LAD1: variants seen among roughly 807,000 people sequenced by gnomAD.
The protein encoded by LAD1 is ladinin-1.
LAD1 carries 53 observed loss-of-function variants against 54.2 expected under a neutral mutation model. The observed-to-expected ratio is 0.98, with a 90% CI of 0.78 to 1.23. The LOEUF is 1.23. LAD1 is among the 50% of genes most tolerant of loss of function. LAD1 has a pLI of 0.00. For synonymous variants in LAD1, 231 were observed against 257.7 expected (o/e 0.90, Z 0.99); for missense variants, 637 against 653.3 (o/e 0.98, Z 0.27).
intron 1 of LAD1, among the ~76,000 whole-genome samples, chr1:201,396,791 G>A (rs747630299): frequency 2.0e-5 from 3 of 152,144 alleles, no homozygotes; most frequent in Non-Finnish European, 4.4e-5. Context: ...GGTCACTGTG[G>A]GGGGTAACTC....
chr1:201,383,282 GCACCCTCCGCCCCTCAGGAGAAGCCCC>G lies in LAD1; in HGVS notation c.1248+8_1248+34del. 1.9e-6 allele frequency: 3 copies of G among 1,613,852 alleles called. No homozygotes were observed. Among genetic ancestry groups the G allele is most frequent in the Non-Finnish European group, 2.5e-6 (3 of 1,179,768 alleles). On this transcript the variant is annotated splice_region_variant and intron_variant, in intron 6 of 9. Coordinates refer to ENST00000391967, the MANE Select transcript of LAD1 (RefSeq NM_005558.4). ...AAGGGCCATGCCCACTACTCATCCT[GCACCCTCCGCCCCTCAGGAGAAGCCCC>G]CACCCACCCGTATGGCCGTGTGGTA...
In LAD1 at chr1:201,382,931, G is replaced by A. The variant is rs550255991; in HGVS notation, c.1386+143C>T. The A allele has an allele frequency of 3.9e-5, 44 of 1,124,340 alleles. No individual in the cohort carries two copies. In the African/African-American group the frequency reaches 4.2e-4, roughly 11 times the overall value. The allele number at this position is 1,124,340 out of a possible 1,614,324, so 69.6% of individuals were successfully genotyped here. On this transcript the variant is annotated intron_variant, in intron 7 of 9. Coordinates refer to ENST00000391967, the MANE Select transcript of LAD1 (RefSeq NM_005558.4). ...CAGCTAAGGAGATGGGCTCAGGAAC[G>A]TGAATGGGAACTCAAATGGAGGTTC...
intron 1 of LAD1, among the ~76,000 whole-genome samples, chr1:201,397,549 CCA>C (rs927778682): frequency 8.6e-5 from 13 of 151,912 alleles, no homozygotes; most frequent in Non-Finnish European, 1.3e-4. Context: ...AGCTGCCTCC[CCA>C]CACACACACA....
intron 1 of LAD1, among the ~76,000 whole-genome samples, chr1:201,391,700 G>A (rs1219999751): frequency 9.9e-5 from 15 of 152,168 alleles, no homozygotes; most frequent in African/African-American, 3.1e-4. Context: ...GAGATGAACC[G>A]GGCTGCATCT....
At chr1:201,385,873 C>T in intron 3 of LAD1, 68 bp from the exon 4 acceptor site, 1 of 1,092,938 alleles carries the variant, frequency 9.1e-7, no homozygotes, top group Non-Finnish European at 1.4e-6. Context: ...GCCATAAACC[C>T]CATGGCTCAC....
chr1:201,393,527 C>T (rs889984035), intron 1 of LAD1, among the ~76,000 whole-genome samples: 24 of 150,698 alleles, frequency 1.6e-4, no homozygotes, highest in Non-Finnish European at 8.9e-5. Flanking sequence ...AGGTGGATCA[C>T]CTGAGGTCAG....
At chr1:201,396,106 C>T (rs550173613) in intron 1 of LAD1, among the ~76,000 whole-genome samples, 2 of 152,316 alleles carry the variant, frequency 1.3e-5, no homozygotes, top group East Asian at 3.9e-4. Flanking sequence ...GACCTTCAAG[C>T]CCCAGAGCCA....
At chr1:201,385,631 T>C in intron 4 of LAD1, 70 bp downstream of exon 4, 1 of 1,135,022 alleles carries the variant, frequency 8.8e-7, no homozygotes, top group Middle Eastern at 2.1e-4. Flanking sequence ...GGCTCCTATG[T>C]TGTAATGGAT....
At chr1:201,382,431 A>C in intron 8 of LAD1, 105 bp from the exon 9 acceptor site, 1 of 973,730 alleles carries the variant, frequency 1.0e-6, no homozygotes, top group Non-Finnish European at 1.6e-6. Flanking sequence ...TTCTCTTCCC[A>C]AAAGAGAAAA....
In LAD1 at chr1:201,381,660, T is replaced by A. The variant is rs1187856191; in HGVS notation, c.*228A>T. 7.9e-5 allele frequency: 49 copies of A among 621,812 alleles called. 2 individuals carry two copies. Among genetic ancestry groups the A allele is most frequent in the South Asian group, 4.5e-4 (24 of 53,032 alleles). 38.5% of individuals were successfully genotyped at this position (621,812 alleles called of 1,614,324 possible). On this transcript the variant is annotated 3_prime_UTR_variant, in exon 10 of 10. Transcript: ENST00000391967. ...GCAGAGACTGGGTCCCAGCATCTGT[T>A]GTGCCTGCCGCAGGGTGAGAAAGTC... is the stretch of plus-strand genomic sequence containing the variant.
chr1:201,398,093 G>A (rs777103266), intron 1 of LAD1, among the ~76,000 whole-genome samples: 17 of 152,184 alleles, frequency 1.1e-4, no homozygotes, highest in Non-Finnish European at 2.1e-4. Context: ...TTGAGGGTCT[G>A]GGGAGGTGGC....
intron 1 of LAD1, among the ~76,000 whole-genome samples, chr1:201,390,597 T>C (rs1450398702): frequency 1.3e-5 from 2 of 152,218 alleles, no homozygotes; most frequent in Non-Finnish European, 2.9e-5. Context: ...CTAGTAAAGC[T>C]GCAGGGCTTT....
At chr1:201,383,432 C>G (rs1157746368) in intron 5 of LAD1, 43 bp from the exon 6 acceptor site, 2 of 1,582,574 alleles carry the variant, frequency 1.3e-6, no homozygotes, top group East Asian at 4.5e-5. Context: ...GTGAGACACC[C>G]AGGGAGACCA....
chr1:201,383,256 A>G (rs1429323310), intron 6 of LAD1, 45 bp from the exon 7 acceptor site: 2 of 1,613,930 alleles, frequency 1.2e-6, no homozygotes, highest in South Asian at 2.2e-5. Flanking sequence ...TGGGGAGGGG[A>G]AAGGGCCATG....
chr1:201,384,789 C>A lies in LAD1; in HGVS notation c.1175+3G>T, dbSNP rs761742011. 1.7e-5 allele frequency: 28 copies of A among 1,613,914 alleles called. No individual in the cohort carries two copies. In the East Asian group the frequency reaches 3.1e-4, roughly 18 times the overall value. The stretch of plus-strand genomic sequence containing the variant: ...AAAGAACCAGAGCCTCCAGGCCCCC[C>A]ACCTGCGAGTTAGGGTTGTTTCCGA... On this transcript the variant is annotated splice_donor_region_variant and intron_variant, in intron 5 of 9. Coordinates refer to ENST00000391967, the MANE Select transcript of LAD1 (RefSeq NM_005558.4).
intron 4 of LAD1, among the ~76,000 whole-genome samples, chr1:201,385,274 C>T (rs1285304862): frequency 6.6e-6 from 1 of 152,204 alleles, no homozygotes; most frequent in Non-Finnish European, 1.5e-5. Context: ...ACGAGATTTC[C>T]CCAATCCACA....
At position 201,386,472 on chromosome 1, in the gene LAD1, C is replaced by T. The variant is rs750609613; in HGVS notation, c.889G>A (p.Ala297Thr). Residue 297 changes from alanine (A) to threonine (T), a missense_variant, in exon 3 of 10, where the codon GCC becomes ACC. By Grantham distance (58) the Ala-to-Thr change is moderately conservative. Coordinates refer to ENST00000391967, the MANE Select transcript of LAD1 (RefSeq NM_005558.4). ...SEQPLAQEPP[A>T]SGGSPATTKE... Reference sequence around the variant, plus strand: ...GTGGTGGCTGGGCTTCCCCCAGAGGCTGGCGGCTCCTGCGCCAGGGGCTGC... The same window carrying T: ...GTGGTGGCTGGGCTTCCCCCAGAGGTTGGCGGCTCCTGCGCCAGGGGCTGC... 5.2e-6 allele frequency: 8 copies of T among 1,550,550 alleles called. No individual in the cohort carries two copies. Among genetic ancestry groups the T allele is most frequent in the Admixed American group, 2.1e-5 (1 of 48,186 alleles).
In LAD1 at chr1:201,380,901, G is replaced by A. The variant is rs938830130; in HGVS notation, c.*987C>T. On this transcript the variant is annotated 3_prime_UTR_variant, in exon 10 of 10. Coordinates refer to ENST00000391967, the MANE Select transcript of LAD1 (RefSeq NM_005558.4). ...GCTTTAAGGGGTTAACAGGGCACCA[G>A]GCTGATGTTCCTAGCTTGGTTGGTT... 3 of 152,142 alleles carry A rather than the reference G, an allele frequency of 2.0e-5. No individual in the cohort carries two copies. Among genetic ancestry groups the A allele is most frequent in the African/African-American group, 7.2e-5 (3 of 41,428 alleles). The allele number at this position is 152,142 out of a possible 1,614,324, so 9.4% of individuals were successfully genotyped here.
At chr1:201,390,664 C>T (rs1007969355) in intron 1 of LAD1, among the ~76,000 whole-genome samples, 1 of 152,184 alleles carries the variant, frequency 6.6e-6, no homozygotes, top group Admixed American at 6.5e-5. Context: ...CAGACAATTG[C>T]GTGTCCAGGG....
Sources: gnomAD v4.1 joint callset for allele counts (sites outside exome capture counted in the v4.1 genomes callset) on GRCh38, gnomAD v4.1.1 for gene constraint, MANE v1.5 for transcripts, NCBI Gene and HGNC (gene_info 2026-07-23, HGNC 2026-07-21) for gene names.